Variants in TMPRSS4 observed in about 807,000 individuals in gnomAD.
TMPRSS4 encodes transmembrane protease serine 4.
Under a neutral mutation model 56.4 loss-of-function variants are expected in TMPRSS4, and 45 were observed. The ratio of observed to expected loss-of-function variants is 0.80; its 90% CI spans 0.63 to 1.02. The LOEUF (loss-of-function observed/expected upper bound fraction) is 1.02, where lower values mean the gene tolerates loss of function less well. Among genes scored for constraint, TMPRSS4 ranks in the 50% least tolerant of loss-of-function variants. The pLI is 0.00. For missense variants in TMPRSS4, 546 were observed against 556.7 expected (o/e 0.98, Z 0.19); for synonymous variants, 205 against 211.0 (o/e 0.97, Z 0.25).
chr11:118,080,992 C>T (rs1413904810), intron 1 of TMPRSS4, among the ~76,000 whole-genome samples: 1 of 152,218 alleles, frequency 6.6e-6, no homozygotes, highest in African/African-American at 2.4e-5. Flanking sequence ...AAACCTGTTG[C>T]CACCAGAATG....
chr11:118,117,296 C>A lies in TMPRSS4; in HGVS notation c.1153-9C>A. ...CCTCCCCAGCAGTCTCTGTTCTGGT[C>A]TCTCACAGGGTGACAGTGGTGGGCC... is the stretch of plus-strand genomic sequence containing the variant. On this transcript the variant is annotated splice_polypyrimidine_tract_variant and intron_variant, in intron 11 of 12. Transcript: ENST00000437212. The A allele has an allele frequency of 6.2e-7, 1 of 1,613,974 alleles. No individual in the cohort carries two copies. The highest frequency in any genetic ancestry group is 1.1e-5 in the South Asian group (1 of 91,066).
chr11:118,099,874 C>A lies in TMPRSS4; in HGVS notation c.157+776C>A, dbSNP rs530247863. Among the ~76,000 whole-genome samples, 9 of 152,302 alleles carry A rather than the reference C, an allele frequency of 5.9e-5. No homozygotes were observed. The South Asian group carries it at 1.7e-3, about 28-fold the overall frequency. Reference sequence around the variant, plus strand: ...ACCTGAGGCCCAGTGTGGTCTTGAGCAGGCCTCTCTGCCTCAGGCCCTTAT... The same window carrying A: ...ACCTGAGGCCCAGTGTGGTCTTGAGAAGGCCTCTCTGCCTCAGGCCCTTAT... On this transcript the variant is annotated intron_variant, in intron 3 of 12. Coordinates refer to ENST00000437212, the MANE Select transcript of TMPRSS4 (RefSeq NM_019894.4).
chr11:118,077,320 C>T lies in TMPRSS4; in HGVS notation c.3+15C>T. The T allele has an allele frequency of 6.3e-7, 1 of 1,596,364 alleles. No homozygotes were observed. The highest frequency in any genetic ancestry group is 1.1e-5 in the South Asian group (1 of 87,804). On this transcript the variant is annotated intron_variant, in intron 1 of 12. Transcript: ENST00000437212. ...GAGCCAGCATGGTGAGTGTGGGGCCCTCTGCTCCCAAGACACAGGAAGGGT... is the reference window on the plus strand; with the variant it reads ...GAGCCAGCATGGTGAGTGTGGGGCCTTCTGCTCCCAAGACACAGGAAGGGT...
intron 1 of TMPRSS4, among the ~76,000 whole-genome samples, chr11:118,092,837 G>A (rs542986933): frequency 1.3e-5 from 2 of 151,844 alleles, no homozygotes; most frequent in South Asian, 4.3e-4. Context: ...TCATCATTTT[G>A]CCAAGGCAGT....
Position 118,117,426 on chromosome 11 carries a change from A to C in TMPRSS4, c.1274A>C (p.Tyr425Ser). ...GGAGTATACACCAAGGTCTCAGCCT[A>C]TCTCAACTGGATCTACAATGTCTGG... ...TPGVYTKVSA[Y>S]LNWIYNVWKA... The change falls in exon 12 of 13, where the codon TAT becomes TCT. Residue 425 changes from tyrosine (Y) to serine (S), a missense_variant. Physicochemically the swap from Tyr to Ser is moderately radical, Grantham distance 144. Coordinates refer to ENST00000437212, the MANE Select transcript of TMPRSS4 (RefSeq NM_019894.4). The C allele has an allele frequency of 6.2e-7, 1 of 1,614,034 alleles. No individual in the cohort carries two copies. The highest frequency in any genetic ancestry group is 8.5e-7 in the Non-Finnish European group (1 of 1,179,954).
intron 1 of TMPRSS4, among the ~76,000 whole-genome samples, chr11:118,083,853 G>C (rs955431097): frequency 2.6e-5 from 4 of 152,090 alleles, no homozygotes; most frequent in African/African-American, 9.7e-5. Flanking sequence ...AGGAGTTCAA[G>C]ACCAGCCTGG....
At chr11:118,081,507 G>A (rs539024352) in intron 1 of TMPRSS4, among the ~76,000 whole-genome samples, 5 of 152,312 alleles carry the variant, frequency 3.3e-5, no homozygotes, top group African/African-American at 4.8e-5. Flanking sequence ...CAGCTTCCTC[G>A]CATAATCCAC....
intron 1 of TMPRSS4, among the ~76,000 whole-genome samples, chr11:118,079,824 G>T (rs185819583): frequency 6.6e-6 from 1 of 152,340 alleles, no homozygotes; most frequent in East Asian, 1.9e-4. Flanking sequence ...CCTGACTGGG[G>T]CACAGAATCC....
chr11:118,119,881 TGCC>T lies in TMPRSS4; in HGVS notation c.*1969_*1971del, dbSNP rs1947733913. On this transcript the variant is annotated 3_prime_UTR_variant, in exon 13 of 13. Transcript: ENST00000437212. Reference sequence around the variant, plus strand: ...GTGGTCAAATGCACATAACACAAGTTGCCATCTTCACCATTTTTAGGTGTATAG... The same window carrying T: ...GTGGTCAAATGCACATAACACAAGTTATCTTCACCATTTTTAGGTGTATAG... 3 of 152,362 alleles carry T rather than the reference TGCC, an allele frequency of 2.0e-5. No homozygotes were observed. Among genetic ancestry groups the T allele is most frequent in the African/African-American group, 7.2e-5 (3 of 41,584 alleles). 9.4% of individuals were successfully genotyped at this position (152,362 alleles called of 1,614,324 possible).
intron 3 of TMPRSS4, 26 bp from the exon 4 acceptor site, chr11:118,103,075 T>A (rs1946801166): frequency 6.2e-7 from 1 of 1,612,810 alleles, no homozygotes; most frequent in African/African-American, 1.3e-5. Context: ...CAGCCCTCTC[T>A]GCCTCTCCCT....
chr11:118,099,293 T>C (rs1441510963), intron 3 of TMPRSS4, 195 bp downstream of exon 3: 1 of 453,644 alleles, frequency 2.2e-6, no homozygotes, highest in African/African-American at 2.1e-5. Context: ...CCTCAGTAAG[T>C]GGCAGCCCCT....
At chr11:118,116,692 T>A (rs1187880448) in intron 11 of TMPRSS4, among the ~76,000 whole-genome samples, 3 of 150,516 alleles carry the variant, frequency 2.0e-5, no homozygotes, top group Non-Finnish European at 2.9e-5. Context: ...TTGGAACGAC[T>A]AGGTTAAACA....
At chr11:118,116,178 T>C (rs1947537981) in intron 11 of TMPRSS4, among the ~76,000 whole-genome samples, 1 of 152,216 alleles carries the variant, frequency 6.6e-6, no homozygotes, top group African/African-American at 2.4e-5. Flanking sequence ...GGTCTCAAAC[T>C]CCTGGGTTCA....
chr11:118,094,687 A>G, intron 1 of TMPRSS4, 129 bp from the exon 2 acceptor site: 1 of 764,626 alleles, frequency 1.3e-6, no homozygotes, highest in Non-Finnish European at 2.3e-6. Context: ...AGGTATTTGG[A>G]TAACACAGAG....
intron 3 of TMPRSS4, among the ~76,000 whole-genome samples, chr11:118,100,758 A>G (rs1946690789): frequency 6.6e-6 from 1 of 152,200 alleles, no homozygotes; most frequent in African/African-American, 2.4e-5. Context: ...CACAGTGGAG[A>G]TAAAGGGGAC....
chr11:118,097,041 A>AGAAAGGAAGGGAAAG (rs1946435265), intron 2 of TMPRSS4, among the ~76,000 whole-genome samples: 1 of 77,844 alleles, frequency 1.3e-5, no homozygotes. Flanking sequence ...AGAAAAGGAA[A>AGAAAGGAAGGGAAAG]GAAAGGAAAG....
chr11:118,088,014 AG>A (rs1945692203), intron 1 of TMPRSS4, among the ~76,000 whole-genome samples: 1 of 114,698 alleles, frequency 8.7e-6, no homozygotes, highest in African/African-American at 4.1e-5. Flanking sequence ...GAAGAGCTGG[AG>A]AGATGCTGGG....
chr11:118,124,866 G>A (rs1428276131), downstream of TMPRSS4, among the ~76,000 whole-genome samples: 3 of 152,184 alleles, frequency 2.0e-5, no homozygotes, highest in African/African-American at 7.2e-5. Flanking sequence ...GCCTAGCTTT[G>A]CTCCCTTCAA....
Position 118,077,279 on chromosome 11 carries a change from G to A in TMPRSS4, c.-24G>A. On this transcript the variant is annotated 5_prime_UTR_variant, in exon 1 of 13. Coordinates refer to ENST00000437212, the MANE Select transcript of TMPRSS4 (RefSeq NM_019894.4). ...CAATCTCAGCTCCAGGCTACAGGGA[G>A]ACCGGGAGGATCACAGAGCCAGCAT... 1 of 1,600,224 alleles carries A rather than the reference G, an allele frequency of 6.2e-7. No individual in the cohort carries two copies.
Sources: allele counts gnomAD v4.1 joint callset (sites outside exome capture counted in the v4.1 genomes callset), GRCh38; gene constraint gnomAD v4.1.1; transcripts MANE v1.5; gene names NCBI Gene and HGNC (gene_info 2026-07-23, HGNC 2026-07-21).